OSBPL1A: variants seen among roughly 807,000 people sequenced by gnomAD.
OSBPL1A encodes oxysterol-binding protein-related protein 1.
OSBPL1A carries 80 observed loss-of-function variants against 137.1 expected under a neutral mutation model. That is an observed-to-expected ratio of 0.58 (90% CI 0.49 to 0.70). The LOEUF (loss-of-function observed/expected upper bound fraction) is 0.70, where lower values mean the gene tolerates loss of function less well. Ranked by LOEUF, OSBPL1A falls within the 30% of genes least tolerant of loss-of-function variation. The probability of loss-of-function intolerance (pLI) is 0.00; values close to 1 mark genes in which losing one functional copy is unlikely to be tolerated. For synonymous variants in OSBPL1A, 365 were observed against 389.7 expected (o/e 0.94, Z 0.75); for missense variants, 970 against 1,129.4 (o/e 0.86, Z 2.02).
intron 16 of OSBPL1A, among the ~76,000 whole-genome samples, chr18:24,237,840 C>T (rs554559966): frequency 3.3e-5 from 5 of 152,276 alleles, no homozygotes; most frequent in South Asian, 4.1e-4. Flanking sequence ...ACTTCCCTTG[C>T]CTTGTCACTC....
In OSBPL1A at chr18:24,297,870, T is replaced by C. The variant is rs541570687; in HGVS notation, c.1174+5767A>G. Among the ~76,000 whole-genome samples the C allele has an allele frequency of 2.3e-4, 35 of 152,308 alleles. No individual in the cohort carries two copies. In the South Asian group the frequency reaches 7.0e-3, roughly 31 times the overall value. On this transcript the variant is annotated intron_variant, in intron 14 of 27. Coordinates refer to ENST00000319481, the MANE Select transcript of OSBPL1A (RefSeq NM_080597.4). Reference sequence around the variant, plus strand: ...GAGAAGAATGTATATTCTGCAGTTGTTGGGTAGAGTTGTCAGAGATGTGTG... The same window carrying C: ...GAGAAGAATGTATATTCTGCAGTTGCTGGGTAGAGTTGTCAGAGATGTGTG...
intron 17 of OSBPL1A, among the ~76,000 whole-genome samples, chr18:24,223,908 A>G (rs2087976711): frequency 6.6e-6 from 1 of 152,152 alleles, no homozygotes; most frequent in South Asian, 2.1e-4. Context: ...CTCTTTAGAG[A>G]TTGGTAGGTC....
intron 1 of OSBPL1A, among the ~76,000 whole-genome samples, chr18:24,378,098 T>C (rs919100578): frequency 6.6e-6 from 1 of 152,196 alleles, no homozygotes; most frequent in African/African-American, 2.4e-5. Flanking sequence ...TCACATTTTC[T>C]TATCAAGCCC....
chr18:24,368,040 TGC>T lies in OSBPL1A; in HGVS notation c.207+245_207+246del, dbSNP rs1905286919. On this transcript the variant is annotated intron_variant, in intron 3 of 27. Transcript: ENST00000319481. ...ACTGAAAATAAAATCTTCATTAATA[TGC>T]CTACTTTTATTATTTTTAAAAGCTA... 1.4e-5 allele frequency: 4 copies of T among 293,604 alleles called. No homozygotes were observed. In the Admixed American group the frequency reaches 1.9e-4, roughly 14 times the overall value. 18.2% of individuals were successfully genotyped at this position (293,604 alleles called of 1,614,324 possible).
chr18:24,270,603 A>G (rs1318044285), intron 15 of OSBPL1A, among the ~76,000 whole-genome samples: 3 of 152,228 alleles, frequency 2.0e-5, no homozygotes. Flanking sequence ...AGTTATGCTC[A>G]GATTAAATAT....
rs925711792 is a variant in OSBPL1A, at chr18:24,271,764, G to A, written c.1281+9078C>T. On this transcript the variant is annotated intron_variant, in intron 15 of 27. Coordinates refer to ENST00000319481, the MANE Select transcript of OSBPL1A (RefSeq NM_080597.4). This position sits in a 1 kb window ranked among gnomAD's most constrained non-coding sequence, Gnocchi z 4.0. ...GATCCGGGAGGCGCGACCCAGGGCGGCCCGCAAGGTCTCCCTAAGTCACCT... is the reference window on the plus strand; with the variant it reads ...GATCCGGGAGGCGCGACCCAGGGCGACCCGCAAGGTCTCCCTAAGTCACCT... 1.0e-5 allele frequency: 10 copies of A among 985,402 alleles called. No individual in the cohort carries two copies. The highest frequency in any genetic ancestry group is 9.6e-6 in the Non-Finnish European group (8 of 830,054). 61.0% of individuals were successfully genotyped at this position (985,402 alleles called of 1,614,324 possible).
intron 18 of OSBPL1A, among the ~76,000 whole-genome samples, chr18:24,192,839 T>C (rs566162854): frequency 2.0e-5 from 3 of 152,308 alleles, no homozygotes; most frequent in Admixed American, 2.0e-4. Context: ...ATAATAGCAT[T>C]ACACCATAAA....
At chr18:24,202,994 G>A (rs2087262742) in intron 17 of OSBPL1A, among the ~76,000 whole-genome samples, 1 of 152,088 alleles carries the variant, frequency 6.6e-6, no homozygotes, top group African/African-American at 2.4e-5. Flanking sequence ...TACTTTTTTT[G>A]GAGACAGAGT....
intron 24 of OSBPL1A, among the ~76,000 whole-genome samples, chr18:24,169,800 C>T (rs1376942908): frequency 1.3e-5 from 2 of 152,190 alleles, no homozygotes; most frequent in African/African-American, 2.4e-5. Flanking sequence ...CAAGAAGCCA[C>T]GTATGTGCCT....
At chr18:24,262,724 A>ATGTGCCCCTTTCACGGTCACTCTCCCCCG (rs1336615684) in intron 15 of OSBPL1A, among the ~76,000 whole-genome samples, 3 of 115,136 alleles carry the variant, frequency 2.6e-5, no homozygotes, top group African/African-American at 1.0e-4. Context: ...CCAAGTTCTC[A>ATGTGCCCCTTTCACGGTCACTCTCCCCCG]TGTGCCCCTT....
intron 1 of OSBPL1A, among the ~76,000 whole-genome samples, chr18:24,380,426 T>C (rs1326461573): frequency 2.0e-5 from 3 of 152,226 alleles, no homozygotes; most frequent in Non-Finnish European, 4.4e-5. Context: ...TTTTGCTGCA[T>C]GTCCAGCTGA....
intron 1 of OSBPL1A, among the ~76,000 whole-genome samples, chr18:24,379,535 A>G (rs1430290780): frequency 6.6e-6 from 1 of 150,634 alleles, no homozygotes; most frequent in African/African-American, 2.4e-5. Flanking sequence ...AAAAAAAAAG[A>G]ATGTTAAGAG....
At chr18:24,302,977 T>TTGTGTGTG (rs56746838) in intron 14 of OSBPL1A, among the ~76,000 whole-genome samples, 11 of 150,022 alleles carry the variant, frequency 7.3e-5, no homozygotes, top group Middle Eastern at 3.4e-3. Context: ...AAGACATTCT[T>TTGTGTGTG]TGTGTGTGTG....
In OSBPL1A at chr18:24,329,499, G is replaced by A. The variant is rs185808160; in HGVS notation, c.625+3443C>T. 7.7e-3 allele frequency among the ~76,000 whole-genome samples: 1,114 copies of A among 145,242 alleles called. 7 individuals carry two copies. Among genetic ancestry groups the A allele is most frequent in the Middle Eastern group, 0.033 (8 of 242 alleles). Reference sequence around the variant, plus strand: ...CAGGAGGCAGAGGTTGCAGTGAGTCGAGATCGCGCCACTGCACTCCAACCT... The same window carrying A: ...CAGGAGGCAGAGGTTGCAGTGAGTCAAGATCGCGCCACTGCACTCCAACCT... On this transcript the variant is annotated intron_variant, in intron 7 of 27. Coordinates refer to ENST00000319481, the MANE Select transcript of OSBPL1A (RefSeq NM_080597.4).
intron 17 of OSBPL1A, among the ~76,000 whole-genome samples, chr18:24,222,142 A>G (rs2087913020): frequency 6.8e-6 from 1 of 147,654 alleles, no homozygotes; most frequent in Non-Finnish European, 1.5e-5. Context: ...TTAAGTTTTA[A>G]CCAGATGAAG....
intron 9 of OSBPL1A, 152 bp from the exon 10 acceptor site, chr18:24,317,552 A>AC (rs542037239): frequency 4.5e-6 from 3 of 670,962 alleles, no homozygotes; most frequent in Non-Finnish European, 8.0e-6. Context: ...GAACTTAGGT[A>AC]CTAAGTGCAG....
At chr18:24,350,993 T>C (rs1322355790) in intron 4 of OSBPL1A, among the ~76,000 whole-genome samples, 1 of 151,778 alleles carries the variant, frequency 6.6e-6, no homozygotes, top group Non-Finnish European at 1.5e-5. Context: ...AGACATAAGC[T>C]CCAGAATGAC....
chr18:24,336,073 C>T (rs919063679), intron 5 of OSBPL1A, among the ~76,000 whole-genome samples: 5 of 152,168 alleles, frequency 3.3e-5, no homozygotes, highest in South Asian at 4.1e-4. Context: ...CTATACCTCT[C>T]GTACATACCT....
chr18:24,337,816 C>T (rs1423554924), intron 5 of OSBPL1A, among the ~76,000 whole-genome samples: 1 of 151,214 alleles, frequency 6.6e-6, no homozygotes, highest in Non-Finnish European at 1.5e-5. Context: ...AAATCGAGCA[C>T]TATATTTTGA....
Sources: gnomAD v4.1 joint callset for allele counts (sites outside exome capture counted in the v4.1 genomes callset) on GRCh38, gnomAD v4.1.1 for gene constraint, Gnocchi (gnomAD v3.1) non-coding constraint, MANE v1.5 for transcripts, NCBI Gene and HGNC (gene_info 2026-07-23, HGNC 2026-07-21) for gene names.